Variants in GRM7 observed in about 807,000 individuals in gnomAD.
The protein encoded by GRM7 is glutamate metabotropic receptor 7.
A neutral mutation model predicts 84.5 loss-of-function variants in GRM7; 35 were observed. The ratio of observed to expected loss-of-function variants is 0.41; its 90% CI spans 0.32 to 0.55. GRM7 has a LOEUF of 0.55. Among genes scored for constraint, GRM7 ranks in the 20% least tolerant of loss-of-function variants. The pLI is 0.19. For missense variants in GRM7, 1,003 were observed against 1,194.6 expected, an observed-to-expected ratio of 0.84 and a Z score of 2.36; for synonymous variants, 487 against 455.1, an observed-to-expected ratio of 1.07 and a Z score of -0.89.
At chr3:7,344,770 G>T (rs190518179) in intron 4 of GRM7, among the ~76,000 whole-genome samples, 4 of 152,242 alleles carry the variant, frequency 2.6e-5, no homozygotes, top group Admixed American at 1.3e-4. Context: ...GGCTCAGAAG[G>T]TTAGGGGAGG....
intron 7 of GRM7, among the ~76,000 whole-genome samples, chr3:7,532,287 C>T (rs1002431846): frequency 1.2e-4 from 18 of 152,094 alleles, no homozygotes; most frequent in African/African-American, 4.3e-4. Flanking sequence ...TAATTTCTGC[C>T]TCAATTTCAG....
At chr3:7,257,028 G>A (rs1186212622) in intron 2 of GRM7, among the ~76,000 whole-genome samples, 3 of 152,154 alleles carry the variant, frequency 2.0e-5, no homozygotes, top group Non-Finnish European at 4.4e-5. Context: ...GTGAAAGTGG[G>A]GGTTATATAT....
rs946128503 is a variant in GRM7, at chr3:6,863,576, G to A, written c.519+1669G>A. On this transcript the variant is annotated intron_variant, in intron 1 of 9. Transcript: ENST00000357716. This position sits in a 1 kb window ranked among gnomAD's most constrained non-coding sequence, Gnocchi z 4.8. The stretch of plus-strand genomic sequence containing the variant: ...TCTGCAAACCCAAAAGTGCTTCGGG[G>A]CTAGCCATCACTCTGAGTTCCTTGC... Among the ~76,000 whole-genome samples, 1 of 152,172 alleles carries A rather than the reference G, an allele frequency of 6.6e-6. No homozygotes were observed. The highest frequency in any genetic ancestry group is 1.9e-4 in the East Asian group (1 of 5,156).
At chr3:7,673,853 T>C (rs377285139) in intron 8 of GRM7, among the ~76,000 whole-genome samples, 1 of 152,190 alleles carries the variant, frequency 6.6e-6, no homozygotes, top group South Asian at 2.1e-4. Context: ...AACATGAACT[T>C]TGTGGTATAC....
At chr3:7,501,588 C>G (rs964282506) in intron 7 of GRM7, among the ~76,000 whole-genome samples, 1 of 152,164 alleles carries the variant, frequency 6.6e-6, no homozygotes, top group Admixed American at 6.6e-5. Flanking sequence ...CAGATTGCAG[C>G]TGATTCATCT....
At chr3:7,531,902 C>T (rs868544998) in intron 7 of GRM7, among the ~76,000 whole-genome samples, 21 of 152,176 alleles carry the variant, frequency 1.4e-4, no homozygotes, top group African/African-American at 4.8e-4. Context: ...GGGAACGCTT[C>T]CACCTTTTAC....
At chr3:6,920,130 T>A (rs1697074394) in intron 1 of GRM7, among the ~76,000 whole-genome samples, 1 of 152,232 alleles carries the variant, frequency 6.6e-6, no homozygotes, top group African/African-American at 2.4e-5. Flanking sequence ...ATGTAAGGCA[T>A]AATTTTCTCA....
chr3:7,560,448 C>CT (rs1402822194), intron 7 of GRM7: 1 of 152,018 alleles, frequency 6.6e-6, no homozygotes, highest in African/African-American at 2.4e-5. Flanking sequence ...AGTGTTTTAT[C>CT]TTTACCACTG....
Position 6,861,710 on chromosome 3 carries a change from A to G in GRM7, c.322A>G (p.Thr108Ala), listed in dbSNP as rs766538630. The change falls in exon 1 of 10, where the codon ACT becomes GCT. Residue 108 changes from threonine (T) to alanine (A), a missense_variant. By Grantham distance (58) the Thr-to-Ala change is moderately conservative. Around this residue, in one of 2 missense-constraint regions of GRM7, gnomAD observed 910 missense variants for 1,126.0 expected, o/e 0.81. Transcript: ENST00000357716. The surrounding 1 kb of genome is among the most constrained non-coding windows in gnomAD (Gnocchi z 6.4). ...GACGCTGGGCGCGCGGATCCTGGAC[A>G]CTTGTTCCAGGGACACTTACGCGCT... ...NVTLGARILDTCSRDTYALEQ... is the reference protein window; with the variant it reads ...NVTLGARILDACSRDTYALEQ... The G allele has an allele frequency of 6.2e-7, 1 of 1,614,122 alleles. No individual in the cohort carries two copies. Among genetic ancestry groups the G allele is most frequent in the East Asian group, 2.2e-5 (1 of 44,840 alleles).
chr3:7,525,375 G>T (rs890648508), intron 7 of GRM7, among the ~76,000 whole-genome samples: 10 of 152,028 alleles, frequency 6.6e-5, no homozygotes, highest in Non-Finnish European at 1.5e-5. Context: ...TTTGGGAATG[G>T]AGTATAGGAA....
chr3:7,194,761 G>C (rs1169459070), intron 2 of GRM7, among the ~76,000 whole-genome samples: 1 of 152,182 alleles, frequency 6.6e-6, no homozygotes, highest in African/African-American at 2.4e-5. Context: ...CTGTCTTACA[G>C]CGTTGTTGTA....
At chr3:7,121,029 A>G (rs950984755) in intron 1 of GRM7, among the ~76,000 whole-genome samples, 1 of 152,080 alleles carries the variant, frequency 6.6e-6, no homozygotes, top group Non-Finnish European at 1.5e-5. Flanking sequence ...CCAGTCAATA[A>G]TCTCCTTATC....
intron 8 of GRM7, among the ~76,000 whole-genome samples, chr3:7,598,042 C>G (rs1249389470): frequency 1.3e-5 from 2 of 152,082 alleles, no homozygotes; most frequent in African/African-American, 4.8e-5. Context: ...ATTCCTTGAC[C>G]CTAGGATACA....
At chr3:6,936,556 C>G (rs1697701351) in intron 1 of GRM7, among the ~76,000 whole-genome samples, 1 of 152,290 alleles carries the variant, frequency 6.6e-6, no homozygotes, top group South Asian at 2.1e-4. Context: ...TCTCATTACT[C>G]TAATTCCTGG....
chr3:7,555,650 C>G (rs186907266), intron 7 of GRM7, among the ~76,000 whole-genome samples: 1 of 152,296 alleles, frequency 6.6e-6, no homozygotes, highest in East Asian at 1.9e-4. Context: ...CAGTAGGAAT[C>G]TTGAATTGGC....
chr3:7,136,147 AATT>A (rs1224156799), intron 1 of GRM7, among the ~76,000 whole-genome samples: 4 of 152,042 alleles, frequency 2.6e-5, no homozygotes, highest in Admixed American at 2.6e-4. Flanking sequence ...AATGACATAT[AATT>A]ATTTTCTCTG....
At chr3:7,546,938 T>C (rs1693182769) in intron 7 of GRM7, among the ~76,000 whole-genome samples, 1 of 152,226 alleles carries the variant, frequency 6.6e-6, no homozygotes, top group Non-Finnish European at 1.5e-5. Flanking sequence ...AGTTGAGTTA[T>C]ACTCTATTTA....
intron 4 of GRM7, among the ~76,000 whole-genome samples, chr3:7,398,585 C>G (rs1417515533): frequency 6.6e-6 from 1 of 151,836 alleles, no homozygotes; most frequent in African/African-American, 2.4e-5. Context: ...GAAAAGGTGA[C>G]TCTTAAATCT....
chr3:7,476,612 C>T (rs1698932084), intron 7 of GRM7, among the ~76,000 whole-genome samples: 1 of 152,068 alleles, frequency 6.6e-6, no homozygotes, highest in Non-Finnish European at 1.5e-5. Context: ...TAAATATTTG[C>T]TAGGACTACT....
Sources: allele counts gnomAD v4.1 joint callset (sites outside exome capture counted in the v4.1 genomes callset), GRCh38; gene constraint gnomAD v4.1.1; regional missense constraint gnomAD v4.1.1; non-coding constraint Gnocchi (gnomAD v3.1); transcripts MANE v1.5; gene names NCBI Gene and HGNC (gene_info 2026-07-23, HGNC 2026-07-21).